Variants in SH3GL2 observed in about 807,000 individuals in gnomAD.
SH3GL2 encodes endophilin-A1.
A neutral mutation model predicts 46.0 loss-of-function variants in SH3GL2; 24 were observed. That is an observed-to-expected ratio of 0.52 (90% CI 0.38 to 0.73). SH3GL2 has a LOEUF of 0.73. Ranked by LOEUF, SH3GL2 falls within the 30% of genes least tolerant of loss-of-function variation. The pLI is 0.00. For synonymous variants in SH3GL2, 196 were observed against 147.1 expected (o/e 1.33, Z -2.40); for missense variants, 413 against 424.2 (o/e 0.97, Z 0.23).
chr9:17,791,226 T>C lies in SH3GL2; in HGVS notation c.625-5T>C. On this transcript the variant is annotated splice_region_variant and splice_polypyrimidine_tract_variant and intron_variant, in intron 6 of 8. Transcript: ENST00000380607. ...CTAAGGCATGATTTTCCCATCAATCTGCAGATTGAACAAGTGAGCCAGCTC... is the reference window on the plus strand; with the variant it reads ...CTAAGGCATGATTTTCCCATCAATCCGCAGATTGAACAAGTGAGCCAGCTC... 6.2e-7 allele frequency: 1 copy of C among 1,607,296 alleles called. No individual in the cohort carries two copies. Among genetic ancestry groups the C allele is most frequent in the Middle Eastern group, 1.7e-4 (1 of 6,040 alleles).
At chr9:17,580,337 G>A (rs1237095363) in intron 1 of SH3GL2, among the ~76,000 whole-genome samples, 1 of 152,154 alleles carries the variant, frequency 6.6e-6, no homozygotes, top group East Asian at 1.9e-4. Flanking sequence ...GAAGTAGTGA[G>A]GTTTTTCCTA....
chr9:17,585,418 T>G (rs908585299), intron 1 of SH3GL2, among the ~76,000 whole-genome samples: 1 of 152,174 alleles, frequency 6.6e-6, no homozygotes, highest in Non-Finnish European at 1.5e-5. Flanking sequence ...CTTTTAATCC[T>G]TCGTACCCTT....
chr9:17,697,498 A>C (rs1029914663), intron 1 of SH3GL2, among the ~76,000 whole-genome samples: 3 of 152,110 alleles, frequency 2.0e-5, no homozygotes, highest in African/African-American at 7.2e-5. Context: ...CTGGTATTAC[A>C]GGTGTGAGCC....
At chr9:17,692,032 G>T in intron 1 of SH3GL2, among the ~76,000 whole-genome samples, 1 of 152,026 alleles carries the variant, frequency 6.6e-6, no homozygotes, top group Non-Finnish European at 1.5e-5. Context: ...TCATATGTGT[G>T]GCATGACCTG....
intron 1 of SH3GL2, among the ~76,000 whole-genome samples, chr9:17,672,273 T>A (rs2117969707): frequency 6.6e-6 from 1 of 152,248 alleles, no homozygotes. Context: ...GAAATCTTGG[T>A]TTCCAGGCAA....
At chr9:17,792,287 C>T (rs370299225) in intron 7 of SH3GL2, among the ~76,000 whole-genome samples, 83 of 152,272 alleles carry the variant, frequency 5.5e-4, no homozygotes, top group African/African-American at 1.9e-3. Context: ...GCTGAAGCCT[C>T]CAGAAAGGTT....
chr9:17,589,991 G>A (rs529501689), intron 1 of SH3GL2: 1 of 152,294 alleles, frequency 6.6e-6, no homozygotes, highest in East Asian at 1.9e-4. Context: ...TATATTTTAG[G>A]GACTTGGTGT....
At chr9:17,605,605 G>A (rs1818747737) in intron 1 of SH3GL2, among the ~76,000 whole-genome samples, 1 of 152,170 alleles carries the variant, frequency 6.6e-6, no homozygotes, top group South Asian at 2.1e-4. Context: ...TCTTAGCCCA[G>A]GCAGCTCCTC....
chr9:17,680,019 G>T (rs1163560997), intron 1 of SH3GL2, among the ~76,000 whole-genome samples: 2 of 152,156 alleles, frequency 1.3e-5, no homozygotes, highest in Middle Eastern at 3.2e-3. Flanking sequence ...TGTGCTGCTG[G>T]ATTCGGTTTG....
intron 1 of SH3GL2, among the ~76,000 whole-genome samples, chr9:17,632,443 C>G (rs1048145990): frequency 9.2e-5 from 14 of 152,124 alleles, no homozygotes; most frequent in African/African-American, 2.9e-4. Context: ...TTCCCATATA[C>G]TATACAAATG....
intron 1 of SH3GL2, among the ~76,000 whole-genome samples, chr9:17,649,584 A>G (rs527782890): frequency 5.3e-5 from 8 of 152,344 alleles, no homozygotes; most frequent in South Asian, 4.1e-4. Flanking sequence ...TCTGTTTTAA[A>G]TGGAAAAAAT....
At chr9:17,579,559 CT>C (rs902686367) in intron 1 of SH3GL2, among the ~76,000 whole-genome samples, 2 of 152,152 alleles carry the variant, frequency 1.3e-5, no homozygotes, top group African/African-American at 2.4e-5. Context: ...CCCGCATCAT[CT>C]CGCGCCCGTG....
intron 1 of SH3GL2, among the ~76,000 whole-genome samples, chr9:17,688,309 T>A (rs1407375927): frequency 6.6e-6 from 1 of 152,024 alleles, no homozygotes; most frequent in Non-Finnish European, 1.5e-5. Context: ...TTACGTAGTA[T>A]TTTCTATAGC....
intron 2 of SH3GL2, among the ~76,000 whole-genome samples, chr9:17,753,029 A>T (rs1822891666): frequency 6.6e-6 from 1 of 152,140 alleles, no homozygotes; most frequent in East Asian, 1.9e-4. Context: ...GTCCCTGCAA[A>T]GAACCTGCTC....
intron 8 of SH3GL2, among the ~76,000 whole-genome samples, chr9:17,794,391 C>T (rs3808663): frequency 0.099 from 15,066 of 152,122 alleles, 1,458 homozygotes; most frequent in African/African-American, 0.25. Context: ...AGAAAAAAAG[C>T]GAGGTCTGAG....
chr9:17,675,940 G>A (rs1201930760), intron 1 of SH3GL2, among the ~76,000 whole-genome samples: 10 of 152,072 alleles, frequency 6.6e-5, no homozygotes, highest in Admixed American at 5.2e-4. Flanking sequence ...GCGAGACTCC[G>A]TCTCAAAAAA....
At chr9:17,673,850 T>C (rs569611733) in intron 1 of SH3GL2, among the ~76,000 whole-genome samples, 1 of 152,284 alleles carries the variant, frequency 6.6e-6, no homozygotes, top group East Asian at 1.9e-4. Flanking sequence ...CCTTGATTTC[T>C]TTTGCTCACC....
chr9:17,631,269 A>T (rs747671491), intron 1 of SH3GL2, among the ~76,000 whole-genome samples: 17 of 152,034 alleles, frequency 1.1e-4, no homozygotes, highest in Non-Finnish European at 2.5e-4. Context: ...CCCCCTGTGG[A>T]GGGATGTTGA....
intron 1 of SH3GL2, among the ~76,000 whole-genome samples, chr9:17,744,963 A>C (rs908084520): frequency 6.6e-6 from 1 of 152,190 alleles, no homozygotes; most frequent in Admixed American, 6.5e-5. Flanking sequence ...ATGGAACTTC[A>C]GACGGAGGCA....
Sources: allele counts gnomAD v4.1 joint callset (sites outside exome capture counted in the v4.1 genomes callset), GRCh38; gene constraint gnomAD v4.1.1; transcripts MANE v1.5; gene names NCBI Gene and HGNC (gene_info 2026-07-23, HGNC 2026-07-21).